Variants in USP5 observed in about 807,000 individuals in gnomAD.
USP5 encodes ubiquitin specific peptidase 5, also known as ubiquitin carboxyl-terminal hydrolase 5.
A neutral mutation model predicts 102.5 loss-of-function variants in USP5; 24 were observed. The observed-to-expected ratio is 0.23, with a 90% CI of 0.17 to 0.33. USP5 has a LOEUF of 0.33. Ranked by LOEUF, USP5 falls within the 10% of genes least tolerant of loss-of-function variation. USP5 has a pLI of 1.00. For synonymous variants in USP5, 460 were observed against 434.8 expected (o/e 1.06, Z -0.72); for missense variants, 753 against 1,122.1 (o/e 0.67, Z 4.70).
rs916576066 is a variant in USP5 at position 6,855,959 on chromosome 12, G to A, written c.305-58G>A. 4 of 1,609,128 alleles carry A rather than the reference G, an allele frequency of 2.5e-6. No homozygotes were observed. The highest frequency in any genetic ancestry group is 2.6e-6 in the Non-Finnish European group (3 of 1,176,140). ...GGGCAAGTGAGGTGCTGGCTCGGAG[G>A]AGGGACATTGACCTGTTGTCATTGC... On this transcript the variant is annotated intron_variant, in intron 3 of 19. Transcript: ENST00000229268. The surrounding 1 kb of genome is among the most constrained non-coding windows in gnomAD (Gnocchi z 4.6).
In USP5 at chr12:6,857,729, A is replaced by G. The variant is rs1203730288; in HGVS notation, c.864+6A>G. 6.2e-7 allele frequency: 1 copy of G among 1,613,316 alleles called. No homozygotes were observed. On this transcript the variant is annotated splice_donor_region_variant and intron_variant, in intron 7 of 19. Coordinates refer to ENST00000229268, the MANE Select transcript of USP5 (RefSeq NM_001098536.2). ...ACATGCTGAAGATGCAGAAGGTGAG[A>G]CCCCCTTCAACTTCAGATTCTTCTA...
Position 6,866,138 on chromosome 12 carries a change from G to T in USP5, c.*61G>T, listed in dbSNP as rs1944438776. 2 of 1,487,902 alleles carry T rather than the reference G, an allele frequency of 1.3e-6. No individual in the cohort carries two copies. The highest frequency in any genetic ancestry group is 1.7e-4 in the Middle Eastern group (1 of 5,824). The allele number at this position is 1,487,902 out of a possible 1,614,324, so 92.2% of individuals were successfully genotyped here. A position where few individuals can be genotyped will look rare whatever the true frequency, so the allele number is the denominator to read the frequency against. On this transcript the variant is annotated 3_prime_UTR_variant, in exon 20 of 20. Transcript: ENST00000229268. This position sits in a 1 kb window ranked among gnomAD's most constrained non-coding sequence, Gnocchi z 4.7. ...AAGACCACCTGGCATGAGGGAGAGG[G>T]GCTGAGGGATGGACTTCAGCCCCTC...
chr12:6,862,082 G>T (rs1944294867), intron 13 of USP5, among the ~76,000 whole-genome samples: 1 of 142,906 alleles, frequency 7.0e-6, no homozygotes. Flanking sequence ...CTCTGTGTGG[G>T]TTTTTTTTTT....
chr12:6,864,047 CA>C lies in USP5; in HGVS notation c.2099-2del. 6.2e-7 allele frequency: 1 copy of C among 1,601,182 alleles called. No individual in the cohort carries two copies. The highest frequency in any genetic ancestry group is 1.1e-5 in the South Asian group (1 of 89,758). On this transcript the variant is annotated splice_acceptor_variant, in intron 16 of 19. Transcript: ENST00000229268. LOFTEE classifies it high-confidence loss of function. This position sits in a 1 kb window ranked among gnomAD's most constrained non-coding sequence, Gnocchi z 4.8. ...AAACACATCAACCCCTTCACATCCA[CA>C]GATTTTGCAAACCCCCTCATCCTGC...
At position 6,858,625 on chromosome 12, in the gene USP5, G is replaced by A. The variant is rs1944186143; in HGVS notation, c.1058+8G>A. 1.3e-6 allele frequency: 2 copies of A among 1,594,386 alleles called. No individual in the cohort carries two copies. The highest frequency in any genetic ancestry group is 2.7e-5 in the African/African-American group (2 of 74,618). ...CCCTGACTTCCAGAGGAAGTGAGTA[G>A]TGCCCTCTCCTTCCCCAGGCCCCCT... is the stretch of plus-strand genomic sequence containing the variant. On this transcript the variant is annotated splice_region_variant and intron_variant, in intron 8 of 19. Transcript: ENST00000229268. The surrounding 1 kb of genome is among the most constrained non-coding windows in gnomAD (Gnocchi z 4.2).
At position 6,859,502 on chromosome 12, in the gene USP5, A is replaced by C; in HGVS notation, c.1091A>C (p.Asn364Thr). The change falls in exon 9 of 20, where the codon AAT becomes ACT. Residue 364 changes from asparagine (N) to threonine (T), a missense_variant. Physicochemically the swap from Asn to Thr is moderately conservative, Grantham distance 65. This residue lies in a region of USP5 where 527 missense variants were observed against 816.5 expected (regional missense o/e 0.65). Coordinates refer to ENST00000229268, the MANE Select transcript of USP5 (RefSeq NM_001098536.2). ...YVDKLEKIFQ[N>T]APTDPTQDFS... is the part of the protein sequence containing the mutation. ...GATAAGCTGGAGAAGATCTTCCAGAATGCCCCGACGGACCCTACCCAGGAT... is the reference window on the plus strand; with the variant it reads ...GATAAGCTGGAGAAGATCTTCCAGACTGCCCCGACGGACCCTACCCAGGAT... The C allele has an allele frequency of 6.2e-7, 1 of 1,614,186 alleles. No homozygotes were observed. Among genetic ancestry groups the C allele is most frequent in the South Asian group, 1.1e-5 (1 of 91,082 alleles).
In USP5 at chr12:6,856,141, C is replaced by T. The variant is rs782038751; in HGVS notation, c.429C>T (p.Val143=). 1.2e-6 allele frequency: 2 copies of T among 1,614,056 alleles called. No individual in the cohort carries two copies. Among genetic ancestry groups the T allele is most frequent in the African/African-American group, 2.7e-5 (2 of 74,994 alleles). The stretch of plus-strand genomic sequence containing the variant: ...GACTGGGGGGACTGCCTGACATTGT[C>T]AGAGATCGGGTATGACTGCCCCCTA... ...RDGLGGLPDI[V]RDRVTSAVEA... Residue 143 remains valine, a synonymous_variant, in exon 4 of 20, where the codon GTC becomes GTT. Transcript: ENST00000229268. This position sits in a 1 kb window ranked among gnomAD's most constrained non-coding sequence, Gnocchi z 5.6.
chr12:6,862,417 G>A lies in USP5; in HGVS notation c.1674-53G>A, dbSNP rs1944306236. On this transcript the variant is annotated intron_variant, in intron 13 of 19. Transcript: ENST00000229268. ...GCTGAACCCCAGGTGGGAGTTTCAGGAGAGGAAAACCCTGGGGATTGTCTG... is the reference window on the plus strand; with the variant it reads ...GCTGAACCCCAGGTGGGAGTTTCAGAAGAGGAAAACCCTGGGGATTGTCTG... The A allele has an allele frequency of 3.5e-5, 53 of 1,535,874 alleles. No homozygotes were observed. In the South Asian group the frequency reaches 5.3e-4, roughly 15 times the overall value.
chr12:6,859,341 A>G, intron 8 of USP5, 129 bp from the exon 9 acceptor site: 1 of 868,506 alleles, frequency 1.2e-6, no homozygotes, highest in South Asian at 1.5e-5. Flanking sequence ...AGCGACTCCA[A>G]GGTTCACCCA....
In USP5 at chr12:6,855,674, A is replaced by C. The variant is rs1254636496; in HGVS notation, c.238-81A>C. 1.9e-6 allele frequency: 3 copies of C among 1,600,668 alleles called. No individual in the cohort carries two copies. Among genetic ancestry groups the C allele is most frequent in the Non-Finnish European group, 2.6e-6 (3 of 1,170,282 alleles). On this transcript the variant is annotated intron_variant, in intron 2 of 19. Coordinates refer to ENST00000229268, the MANE Select transcript of USP5 (RefSeq NM_001098536.2). The surrounding 1 kb of genome is among the most constrained non-coding windows in gnomAD (Gnocchi z 4.6). ...GCTTTATTCCGTTCTGAGATGAAGC[A>C]CTACCTCCTTCCGTCCCTCCTCCCG...
rs1416750285 is a variant in USP5, at chr12:6,855,935, G to C, written c.305-82G>C. 4.4e-6 allele frequency: 7 copies of C among 1,606,004 alleles called. No homozygotes were observed. The highest frequency in any genetic ancestry group is 1.7e-4 in the Middle Eastern group (1 of 6,028). On this transcript the variant is annotated intron_variant, in intron 3 of 19. Coordinates refer to ENST00000229268, the MANE Select transcript of USP5 (RefSeq NM_001098536.2). The surrounding 1 kb of genome is among the most constrained non-coding windows in gnomAD (Gnocchi z 4.6). ...TTGATGGCCCTAGAACTCTGGATGG[G>C]GCAAGTGAGGTGCTGGCTCGGAGGA...
chr12:6,856,884 T>A lies in USP5; in HGVS notation c.762T>A (p.Asp254Glu), dbSNP rs782612559. Residue 254 changes from aspartate to glutamate, a missense_variant, in exon 6 of 20, where the codon GAT becomes GAA. Around this residue, in one of 3 missense-constraint regions of USP5, gnomAD observed 527 missense variants for 816.5 expected, o/e 0.65. Transcript: ENST00000229268. This position sits in a 1 kb window ranked among gnomAD's most constrained non-coding sequence, Gnocchi z 5.6. ...LAVKLGTITPDGADVYSYDED... is the reference protein window; with the variant it reads ...LAVKLGTITPEGADVYSYDED... ...TCAAGCTGGGCACCATCACCCCTGA[T>A]GGAGCTGGTACAGCCTCCCCTCCTC... The A allele has an allele frequency of 6.2e-7, 1 of 1,613,894 alleles. No homozygotes were observed. Among genetic ancestry groups the A allele is most frequent in the Non-Finnish European group, 8.5e-7 (1 of 1,179,864 alleles).
In USP5 at chr12:6,856,330, T is replaced by G. The variant is rs781816036; in HGVS notation, c.464T>G (p.Leu155Arg). ...DRVTSAVEAL[L>R]SADSASRKQE... ...GTGACCAGTGCAGTGGAGGCCCTAC[T>G]GTCGGCCGACTCAGCCTCCCGCAAG... The change falls in exon 5 of 20, where the codon CTG (leucine) becomes CGG (arginine). Residue 155 changes from leucine (L) to arginine (R), a missense_variant. Physicochemically the swap from Leu to Arg is moderately radical, Grantham distance 102. Around this residue, in one of 3 missense-constraint regions of USP5, gnomAD observed 527 missense variants for 816.5 expected, o/e 0.65. Transcript: ENST00000229268. This position sits in a 1 kb window ranked among gnomAD's most constrained non-coding sequence, Gnocchi z 5.6. 19 of 1,613,602 alleles carry G rather than the reference T, an allele frequency of 1.2e-5. No homozygotes were observed. The highest frequency in any genetic ancestry group is 1.5e-5 in the Non-Finnish European group (18 of 1,179,842).
In USP5 at chr12:6,864,524, C is replaced by A. The variant is rs1013498653; in HGVS notation, c.2245-198C>A. On this transcript the variant is annotated intron_variant, in intron 17 of 19. Coordinates refer to ENST00000229268, the MANE Select transcript of USP5 (RefSeq NM_001098536.2). The surrounding 1 kb of genome is among the most constrained non-coding windows in gnomAD (Gnocchi z 4.8). ...CTAACACGGTGAAACCCCGTCTCTA[C>A]GAAAAATACAAAAAATTAACCAAGC... 6.6e-6 allele frequency among the ~76,000 whole-genome samples: 1 copy of A among 152,102 alleles called. No homozygotes were observed. The highest frequency in any genetic ancestry group is 2.1e-4 in the South Asian group (1 of 4,824).
chr12:6,863,252 G>C lies in USP5; in HGVS notation c.1829G>C (p.Gly610Ala), dbSNP rs782013983. 2.5e-6 allele frequency: 4 copies of C among 1,614,192 alleles called. No homozygotes were observed. In the African/African-American group the frequency reaches 5.3e-5, roughly 22 times the overall value. ...SQLRGTGLQP[G>A]EEELPDIAPP... ...TTGAGGGGCACAGGGCTGCAGCCCG[G>C]AGAGGAGGAGCTGCCAGACATTGCC... Residue 610 changes from glycine to alanine, a missense_variant, in exon 15 of 20, where the codon GGA (glycine) becomes GCA (alanine). Coordinates refer to ENST00000229268, the MANE Select transcript of USP5 (RefSeq NM_001098536.2). This position sits in a 1 kb window ranked among gnomAD's most constrained non-coding sequence, Gnocchi z 4.7.
rs1231615985 is a variant in USP5, at chr12:6,860,850, C to T, written c.1345-103C>T. On this transcript the variant is annotated intron_variant, in intron 11 of 19. Transcript: ENST00000229268. This position sits in a 1 kb window ranked among gnomAD's most constrained non-coding sequence, Gnocchi z 5.5. Reference sequence around the variant, plus strand: ...GCTCTGCTCTTGTGTCCCTGAGTTCCGAGTGGTAGTCTGCCTTCTCTCCCT... The same window carrying T: ...GCTCTGCTCTTGTGTCCCTGAGTTCTGAGTGGTAGTCTGCCTTCTCTCCCT... The T allele has an allele frequency of 1.6e-5, 24 of 1,502,262 alleles. No individual in the cohort carries two copies. The highest frequency in any genetic ancestry group is 2.2e-4 in the Middle Eastern group (1 of 4,628). 93.1% of individuals were successfully genotyped at this position (1,502,262 alleles called of 1,614,324 possible). A position where few individuals can be genotyped will look rare whatever the true frequency, so the allele number is the denominator to read the frequency against.
chr12:6,862,784 T>A (rs781857109), intron 14 of USP5, among the ~76,000 whole-genome samples: 1 of 152,246 alleles, frequency 6.6e-6, no homozygotes, highest in African/African-American at 2.4e-5. Flanking sequence ...TGTAGTTTTT[T>A]AAAATAATTG....
At chr12:6,865,287 G>A (rs1944407204) in intron 19 of USP5, 39 bp downstream of exon 19, 1 of 1,583,960 alleles carries the variant, frequency 6.3e-7, no homozygotes, top group African/African-American at 1.3e-5. Context: ...GGAGAATGGT[G>A]GTGGGAATGA....
intron 1 of USP5, among the ~76,000 whole-genome samples, chr12:6,854,491 A>G (rs1179412431): frequency 2.0e-5 from 3 of 151,804 alleles, no homozygotes; most frequent in Admixed American, 6.6e-5. Context: ...GTTTAGTCTC[A>G]CCGCTGTAAT....
Sources: gnomAD v4.1 joint callset for allele counts (sites outside exome capture counted in the v4.1 genomes callset) on GRCh38, gnomAD v4.1.1 for gene constraint, gnomAD v4.1.1 regional missense constraint, Gnocchi (gnomAD v3.1) non-coding constraint, MANE v1.5 for transcripts, NCBI Gene and HGNC (gene_info 2026-07-23, HGNC 2026-07-21) for gene names.